Variants in DCLK2 observed in about 807,000 individuals in gnomAD.
DCLK2 encodes the protein serine/threonine-protein kinase DCLK2.
Under a neutral mutation model 78.4 loss-of-function variants are expected in DCLK2, and 31 were observed. The ratio of observed to expected loss-of-function variants is 0.40; its 90% CI spans 0.30 to 0.53. DCLK2 has a LOEUF of 0.53. Ranked by LOEUF, DCLK2 falls within the 20% of genes least tolerant of loss-of-function variation. The probability of loss-of-function intolerance (pLI) is 0.61; values close to 1 mark genes in which losing one functional copy is unlikely to be tolerated. For synonymous variants in DCLK2, 407 were observed against 374.9 expected (o/e 1.09, Z -0.99); for missense variants, 872 against 973.7 (o/e 0.90, Z 1.39).
rs916716637 is a variant in DCLK2, at chr4:150,232,417, A to G, written c.1380A>G (p.Glu460=). ...TCATTATGCTGGTCGAGGAGATGGA[A>G]ACAGCAACTGAGCTCTTTCTGGTGA... ...PNIIMLVEEM[E]TATELFLVME... Residue 460 remains glutamate (E), a synonymous_variant, in exon 9 of 16, where the codon GAA becomes GAG. Transcript: ENST00000296550. The G allele has an allele frequency of 3.1e-6, 5 of 1,614,156 alleles. No individual in the cohort carries two copies. The highest frequency in any genetic ancestry group is 3.3e-4 in the Middle Eastern group (2 of 6,062).
chr4:150,222,835 C>A (rs918513501), intron 7 of DCLK2, among the ~76,000 whole-genome samples: 9 of 150,396 alleles, frequency 6.0e-5, no homozygotes, highest in Admixed American at 1.3e-4. Flanking sequence ...CATTGCACTT[C>A]AGCCTGGGCA....
chr4:150,205,541 AACTTG>A (rs765732061), intron 5 of DCLK2, among the ~76,000 whole-genome samples: 17 of 152,198 alleles, frequency 1.1e-4, no homozygotes, highest in South Asian at 1.0e-3. Context: ...CTGAAGTACT[AACTTG>A]ACTTAAGTCA....
chr4:150,090,466 C>A (rs1361591480), intron 1 of DCLK2, among the ~76,000 whole-genome samples: 4 of 152,002 alleles, frequency 2.6e-5, no homozygotes, highest in Admixed American at 2.0e-4. Context: ...AATGAAAATT[C>A]CCATAGTGAG....
chr4:150,109,687 CTAAA>C (rs1486917235), intron 2 of DCLK2, among the ~76,000 whole-genome samples: 2 of 152,174 alleles, frequency 1.3e-5, no homozygotes, highest in African/African-American at 4.8e-5. Context: ...TTTTGTCTTA[CTAAA>C]TACATTCGCA....
chr4:150,243,854 A>G (rs368240120), intron 12 of DCLK2, among the ~76,000 whole-genome samples: 1 of 126,610 alleles, frequency 7.9e-6, no homozygotes, highest in African/African-American at 3.0e-5. Context: ...AGCACACACC[A>G]CCATGCCCAG....
intron 2 of DCLK2, among the ~76,000 whole-genome samples, chr4:150,130,082 C>T (rs944114341): frequency 2.6e-5 from 4 of 152,138 alleles, no homozygotes; most frequent in Non-Finnish European, 2.9e-5. Context: ...ATGTTTTGCA[C>T]GGAAGTTTTT....
chr4:150,212,168 G>A (rs974944663), intron 5 of DCLK2, among the ~76,000 whole-genome samples: 1 of 152,114 alleles, frequency 6.6e-6, no homozygotes, highest in Non-Finnish European at 1.5e-5. Context: ...AAAGAAGGAA[G>A]AAAAAAGTAC....
chr4:150,227,750 G>A (rs1022501561), intron 8 of DCLK2, among the ~76,000 whole-genome samples: 1 of 152,202 alleles, frequency 6.6e-6, no homozygotes, highest in Non-Finnish European at 1.5e-5. Flanking sequence ...AAAGCTCTGA[G>A]CTTTCTGTTC....
intron 2 of DCLK2, among the ~76,000 whole-genome samples, chr4:150,106,984 G>A (rs1342020459): frequency 6.6e-6 from 1 of 151,932 alleles, no homozygotes; most frequent in Admixed American, 6.6e-5. Flanking sequence ...TCTCAACCAG[G>A]GACAGTTTTG....
intron 2 of DCLK2, among the ~76,000 whole-genome samples, chr4:150,172,727 TCTC>T (rs748344282): frequency 7.2e-6 from 1 of 139,204 alleles, no homozygotes; most frequent in Non-Finnish European, 1.6e-5. Flanking sequence ...AACATGCAGT[TCTC>T]CTCACTCTAG....
chr4:150,148,915 C>G (rs1453932279), intron 2 of DCLK2, among the ~76,000 whole-genome samples: 2 of 151,426 alleles, frequency 1.3e-5, no homozygotes, highest in Non-Finnish European at 2.9e-5. Flanking sequence ...TGCTTGTAGG[C>G]CTAGCTACTG....
intron 8 of DCLK2, among the ~76,000 whole-genome samples, chr4:150,229,775 A>C (rs1741900944): frequency 6.6e-6 from 1 of 152,156 alleles, no homozygotes. Flanking sequence ...TCATATGTAA[A>C]TTATTTGGAG....
At chr4:150,231,249 T>C (rs746725460) in intron 8 of DCLK2, among the ~76,000 whole-genome samples, 1 of 152,226 alleles carries the variant, frequency 6.6e-6, no homozygotes, top group Non-Finnish European at 1.5e-5. Context: ...AAACAGTGAC[T>C]AGATTCCTAG....
intron 15 of DCLK2, among the ~76,000 whole-genome samples, chr4:150,251,913 C>T (rs1251460514): frequency 1.3e-5 from 2 of 151,830 alleles, no homozygotes; most frequent in African/African-American, 4.8e-5. Context: ...CCAGCTGCTC[C>T]CCTGCCAGAA....
chr4:150,084,191 T>C (rs887487983), intron 1 of DCLK2, among the ~76,000 whole-genome samples: 1 of 152,226 alleles, frequency 6.6e-6, no homozygotes, highest in African/African-American at 2.4e-5. Flanking sequence ...TTGGATCTGT[T>C]TTTGCACTCA....
intron 5 of DCLK2, among the ~76,000 whole-genome samples, chr4:150,217,860 A>C (rs540258243): frequency 2.4e-4 from 37 of 152,304 alleles, no homozygotes; most frequent in Non-Finnish European, 4.0e-4. Flanking sequence ...AACGCTACAT[A>C]ATTGTTTGTT....
At chr4:150,191,119 T>C (rs1203608122) in intron 2 of DCLK2, among the ~76,000 whole-genome samples, 1 of 152,076 alleles carries the variant, frequency 6.6e-6, no homozygotes. Flanking sequence ...AGTGAGACCC[T>C]GTCTCAAAAG....
intron 5 of DCLK2, 40 bp from the exon 6 acceptor site, chr4:150,220,663 T>C: frequency 6.5e-7 from 1 of 1,546,806 alleles, no homozygotes; most frequent in East Asian, 2.2e-5. Flanking sequence ...TAGGGATTTG[T>C]AAATTATCCT....
intron 2 of DCLK2, among the ~76,000 whole-genome samples, chr4:150,124,426 T>C (rs529082841): frequency 4.5e-4 from 69 of 152,214 alleles, no homozygotes; most frequent in African/African-American, 1.4e-3. Context: ...GTTCTTTTAG[T>C]TTGCCCACAT....
Sources: allele counts gnomAD v4.1 joint callset (sites outside exome capture counted in the v4.1 genomes callset), GRCh38; gene constraint gnomAD v4.1.1; transcripts MANE v1.5; gene names NCBI Gene and HGNC (gene_info 2026-07-23, HGNC 2026-07-21).